SYNE2: variants seen among roughly 807,000 people sequenced by gnomAD.
The protein encoded by SYNE2 is nesprin-2.
SYNE2 carries 431 observed loss-of-function variants against 856.3 expected under a neutral mutation model. The ratio of observed to expected loss-of-function variants is 0.50; its 90% CI spans 0.47 to 0.55. SYNE2 has a LOEUF of 0.55. Ranked by LOEUF, SYNE2 falls within the 20% of genes least tolerant of loss-of-function variation. The pLI is 0.00. For synonymous variants in SYNE2, 2,923 were observed against 2,872.3 expected (o/e 1.02, Z -0.56); for missense variants, 8,129 against 8,023.2 (o/e 1.01, Z -0.50).
intron 1 of SYNE2, among the ~76,000 whole-genome samples, chr14:63,858,376 C>T (rs1892502828): frequency 6.8e-6 from 1 of 147,722 alleles, no homozygotes; most frequent in Admixed American, 6.9e-5. Flanking sequence ...CCCACCTTGG[C>T]CTCCCAAAGT....
intron 76 of SYNE2, among the ~76,000 whole-genome samples, 192 bp downstream of exon 76, chr14:64,130,440 A>T (rs930159541): frequency 6.6e-6 from 1 of 152,252 alleles, no homozygotes; most frequent in African/African-American, 2.4e-5. Flanking sequence ...GGTTATGAGT[A>T]AAAACAGACA....
At chr14:63,857,128 G>A (rs1056505262) in intron 1 of SYNE2, among the ~76,000 whole-genome samples, 2 of 152,074 alleles carry the variant, frequency 1.3e-5, no homozygotes, top group Non-Finnish European at 2.9e-5. Context: ...TCTCCCTGTA[G>A]CTCCTTGCTA....
upstream of SYNE2, among the ~76,000 whole-genome samples, chr14:63,852,696 G>A (rs1890647612): frequency 6.6e-6 from 1 of 152,188 alleles, no homozygotes; most frequent in Non-Finnish European, 1.5e-5. Context: ...GACCCCTCCT[G>A]AAATCCTCCA....
chr14:63,963,533 T>C (rs2096350020), intron 9 of SYNE2, among the ~76,000 whole-genome samples: 1 of 152,240 alleles, frequency 6.6e-6, no homozygotes, highest in South Asian at 2.1e-4. Flanking sequence ...GAGTTATTTT[T>C]GATGTCAGTG....
chr14:64,070,451 T>G (rs1595301383), intron 51 of SYNE2, among the ~76,000 whole-genome samples, 194 bp from the exon 52 acceptor site: 1 of 152,306 alleles, frequency 6.6e-6, no homozygotes, highest in African/African-American at 2.4e-5. Flanking sequence ...CAGTCACACA[T>G]CTACATGAGC....
At chr14:63,841,953 C>T (rs1287387297) in intron 1 of SYNE2, among the ~76,000 whole-genome samples, 1 of 151,476 alleles carries the variant, frequency 6.6e-6, no homozygotes, top group African/African-American at 2.4e-5. Flanking sequence ...CTGCCTCAGC[C>T]TTCCGAGTAG....
At chr14:63,812,041 A>G (rs1031989262) in intron 1 of SYNE2, among the ~76,000 whole-genome samples, 2 of 152,158 alleles carry the variant, frequency 1.3e-5, no homozygotes, top group Admixed American at 1.3e-4. Context: ...AGGGTTTGAG[A>G]GCAGAGAACC....
At position 64,098,862 on chromosome 14, in the gene SYNE2, G is replaced by A. The variant is rs771125997; in HGVS notation, c.12381+41G>A. ...TTCTTGTTAAAGTTTGTTAGAACCA[G>A]ATCTCTAAAAGAAGTCAATGAAAAG... On this transcript the variant is annotated intron_variant, in intron 63 of 115. Transcript: ENST00000555002. The A allele has an allele frequency of 3.1e-6, 5 of 1,596,546 alleles. No homozygotes were observed. The Admixed American group carries it at 8.4e-5, about 27-fold the overall frequency.
At position 64,206,975 on chromosome 14, in the gene SYNE2, A is replaced by G. The variant is rs143955829; in HGVS notation, c.18202-1783A>G. ...TTCTTAAAACTGGAATTTTATTTAG[A>G]TGTAATAACTTTAAAGTTAGTCCTC... On this transcript the variant is annotated intron_variant, in intron 100 of 115. Coordinates refer to ENST00000555002, the MANE Select transcript of SYNE2 (RefSeq NM_182914.3). Among the ~76,000 whole-genome samples the G allele has an allele frequency of 2.0e-5, 3 of 152,318 alleles. No individual in the cohort carries two copies. The East Asian group carries it at 5.8e-4, about 29-fold the overall frequency.
In SYNE2 at chr14:63,909,247, G is replaced by T; in HGVS notation, c.79+20G>T. On this transcript the variant is annotated intron_variant, in intron 2 of 115. Coordinates refer to ENST00000555002, the MANE Select transcript of SYNE2 (RefSeq NM_182914.3). ...TGCAAGGTAATTAAGATTGGGTGGG[G>T]GTAACACCCACAGAAACTGGGGAAA... The T allele has an allele frequency of 6.4e-7, 1 of 1,552,064 alleles. No individual in the cohort carries two copies. The highest frequency in any genetic ancestry group is 8.9e-7 in the Non-Finnish European group (1 of 1,124,742).
intron 48 of SYNE2, among the ~76,000 whole-genome samples, chr14:64,054,743 G>C (rs148112911): frequency 6.6e-6 from 1 of 152,228 alleles, no homozygotes; most frequent in East Asian, 1.9e-4. Context: ...GGATATCTTA[G>C]GCATCATTGA....
chr14:64,080,535 A>T lies in SYNE2; in HGVS notation c.11243A>T (p.Asp3748Val), dbSNP rs771308787. The change falls in exon 56 of 116, where the codon GAC (aspartate) becomes GTC (valine). Residue 3748 changes from aspartate (D) to valine (V), a missense_variant. Transcript: ENST00000555002. ...GAAGTTCAGGACATTGTTGAACAGG[A>T]CCCAGGACAGGCTCAAGAATGGATG... ...DSEVQDIVEQ[D>V]PGQAQEWMDN... The T allele has an allele frequency of 6.2e-7, 1 of 1,614,180 alleles. No individual in the cohort carries two copies. Among genetic ancestry groups the T allele is most frequent in the Non-Finnish European group, 8.5e-7 (1 of 1,180,028 alleles).
chr14:64,186,316 C>G, intron 96 of SYNE2, 108 bp from the exon 97 acceptor site: 2 of 1,455,028 alleles, frequency 1.4e-6, no homozygotes, highest in Non-Finnish European at 1.9e-6. Flanking sequence ...CTCCCTCTCT[C>G]CTGGCCTCCC....
intron 85 of SYNE2, among the ~76,000 whole-genome samples, chr14:64,153,400 C>T (rs1275547394): frequency 6.6e-6 from 1 of 152,188 alleles, no homozygotes; most frequent in East Asian, 1.9e-4. Flanking sequence ...TATAATCTAT[C>T]AATGGTATAA....
chr14:64,206,845 T>C (rs1024975784), intron 100 of SYNE2, among the ~76,000 whole-genome samples: 6 of 152,230 alleles, frequency 3.9e-5, no homozygotes, highest in African/African-American at 1.4e-4. Context: ...ATTATTTATT[T>C]TAATACCAGT....
chr14:64,151,959 A>G (rs1007001302), intron 84 of SYNE2, among the ~76,000 whole-genome samples: 1 of 152,152 alleles, frequency 6.6e-6, no homozygotes, highest in African/African-American at 2.4e-5. Flanking sequence ...CTCTGTTTTC[A>G]GACTGCTGGC....
In SYNE2 at chr14:63,816,997, T is replaced by A. The variant is rs557609582; in HGVS notation, c.-304-35504T>A. On this transcript the variant is annotated intron_variant, in intron 1 of 23. Coordinates refer to the SYNE2 transcript ENST00000674003. The stretch of plus-strand genomic sequence containing the variant: ...CCTGACCTCAAGCAACCCTCCTGCC[T>A]CAGCCTTCTGAATAGCTGGGACTAC... Among the ~76,000 whole-genome samples the A allele has an allele frequency of 3.3e-5, 5 of 152,300 alleles. No individual in the cohort carries two copies. In the East Asian group the frequency reaches 9.6e-4, roughly 29 times the overall value.
At position 64,139,991 on chromosome 14, in the gene SYNE2, A is replaced by G; in HGVS notation, c.14894A>G (p.His4965Arg). The G allele has an allele frequency of 6.2e-7, 1 of 1,614,110 alleles. No individual in the cohort carries two copies. Residue 4965 changes from histidine to arginine, a missense_variant, in exon 80 of 116, where the codon CAT becomes CGT. Physicochemically the swap from His to Arg is conservative, Grantham distance 29 (BLOSUM62 0). Transcript: ENST00000555002. ...ACCAAGTGGTTGGAATCTTCCCAGC[A>G]TACTCTGAATTACTGGAAAGAACAG... is the stretch of plus-strand genomic sequence containing the variant. ...QLTKWLESSQ[H>R]TLNYWKEQSL...
chr14:63,836,348 C>T (rs1889860134), intron 1 of SYNE2, among the ~76,000 whole-genome samples: 1 of 152,106 alleles, frequency 6.6e-6, no homozygotes, highest in East Asian at 1.9e-4. Context: ...TATGTATTCT[C>T]ACCATTTATG....
Sources: allele counts gnomAD v4.1 joint callset (sites outside exome capture counted in the v4.1 genomes callset), GRCh38; gene constraint gnomAD v4.1.1; transcripts MANE v1.5; gene names NCBI Gene and HGNC (gene_info 2026-07-23, HGNC 2026-07-21).